Variants in PLCG1 observed in about 807,000 individuals in gnomAD.
The protein encoded by PLCG1 is phospholipase C gamma 1.
A neutral mutation model predicts 177.8 loss-of-function variants in PLCG1; 71 were observed. That is an observed-to-expected ratio of 0.40 (90% confidence interval 0.33 to 0.49). PLCG1 has a LOEUF of 0.49. PLCG1 is among the 20% of genes least tolerant of loss of function. PLCG1 has a pLI of 0.72. For synonymous variants in PLCG1, 658 were observed against 647.9 expected (o/e 1.02, Z -0.24); for missense variants, 1,281 against 1,709.0 (o/e 0.75, Z 4.42).
Position 41,164,824 on chromosome 20 carries a change from C to A in PLCG1, c.1218-109C>A. On this transcript the variant is annotated intron_variant, in intron 12 of 31. Coordinates refer to ENST00000685551, the MANE Select transcript of PLCG1 (RefSeq NM_002660.3). This position sits in a 1 kb window ranked among gnomAD's most constrained non-coding sequence, Gnocchi z 6.4. ...TGCCTCTTTTCTGGGATAGTTTTTA[C>A]AGACAAGAAGCCCCCAGGCCCTTGG... The A allele has an allele frequency of 9.2e-7, 1 of 1,086,106 alleles. No individual in the cohort carries two copies. Among genetic ancestry groups the A allele is most frequent in the Non-Finnish European group, 1.3e-6 (1 of 751,200 alleles). 67.3% of individuals were successfully genotyped at this position (1,086,106 alleles called of 1,614,324 possible). A position where few individuals can be genotyped will look rare whatever the true frequency, so the allele number is the denominator to read the frequency against.
In PLCG1 at chr20:41,165,303, C is replaced by T; in HGVS notation, c.1445C>T (p.Ser482Phe). Residue 482 changes from serine to phenylalanine, a missense_variant, in exon 14 of 32, where the codon TCT (serine) becomes TTT (phenylalanine). Ser to Phe is a radical substitution (Grantham distance 155). Transcript: ENST00000685551. The surrounding 1 kb of genome is among the most constrained non-coding windows in gnomAD (Gnocchi z 6.6). ...GAGGTGCCTACATCCATGATGTACTCTGAGAACGACATCAGCAACTCTATC... is the reference window on the plus strand; with the variant it reads ...GAGGTGCCTACATCCATGATGTACTTTGAGAACGACATCAGCAACTCTATC... ...YEEVPTSMMY[S>F]ENDISNSIKN... is the part of the protein sequence containing the mutation. 6.2e-7 allele frequency: 1 copy of T among 1,614,132 alleles called. No individual in the cohort carries two copies. The highest frequency in any genetic ancestry group is 8.5e-7 in the Non-Finnish European group (1 of 1,179,970).
rs1324173277 is a variant in PLCG1 at position 41,172,736 on chromosome 20, T to C, written c.3138T>C (p.Pro1046=). Residue 1046 remains proline (P), a synonymous_variant, in exon 27 of 32, where the codon CCT becomes CCC. Transcript: ENST00000685551. The surrounding 1 kb of genome is among the most constrained non-coding windows in gnomAD (Gnocchi z 7.0). The part of the protein sequence containing the change: ...VALNFQTPDK[P]MQMNQALFMT... ...ATAATCTGCCTCTTCCAGACAAGCC[T>C]ATGCAGATGAACCAGGCCCTCTTCA... 1.2e-6 allele frequency: 2 copies of C among 1,614,060 alleles called. No homozygotes were observed. Among genetic ancestry groups the C allele is most frequent in the Non-Finnish European group, 1.7e-6 (2 of 1,179,974 alleles).
intron 1 of PLCG1, among the ~76,000 whole-genome samples, chr20:41,158,878 T>C (rs765168383): frequency 2.6e-5 from 4 of 152,240 alleles, no homozygotes; most frequent in Non-Finnish European, 4.4e-5. Context: ...TTATTCATCA[T>C]TGCCTCAAGT....
At chr20:41,149,904 G>A (rs1428871560) in intron 1 of PLCG1, among the ~76,000 whole-genome samples, 2 of 152,192 alleles carry the variant, frequency 1.3e-5, no homozygotes, top group East Asian at 3.9e-4. Flanking sequence ...ATAGATAAGT[G>A]ATTTATGGGT....
In PLCG1 at chr20:41,163,253, A is replaced by C; in HGVS notation, c.767A>C (p.Gln256Pro). Residue 256 changes from glutamine to proline, a missense_variant, in exon 8 of 32, where the codon CAG (glutamine) becomes CCG (proline). Physicochemically the swap from Gln to Pro is moderately conservative, Grantham distance 76 (BLOSUM62 -1). Transcript: ENST00000685551. The surrounding 1 kb of genome is among the most constrained non-coding windows in gnomAD (Gnocchi z 5.2). ...CGAGTGTCCCTTCCTGAGTTCCAGC[A>C]GTTCCTTCTTGACTACCAGGGGGTA... ...LCRVSLPEFQ[Q>P]FLLDYQGELW... The C allele has an allele frequency of 1.3e-6, 2 of 1,555,750 alleles. No homozygotes were observed. The highest frequency in any genetic ancestry group is 1.7e-6 in the Non-Finnish European group (2 of 1,153,410).
At chr20:41,162,355 G>C (rs2035535812) in intron 4 of PLCG1, 97 bp from the exon 5 acceptor site, 1 of 715,084 alleles carries the variant, frequency 1.4e-6, no homozygotes, top group Non-Finnish European at 2.4e-6. Flanking sequence ...TCCCAGAATA[G>C]TGTTGTTTAC....
intron 23 of PLCG1, 161 bp downstream of exon 23, chr20:41,169,687 T>G: frequency 1.6e-6 from 1 of 638,336 alleles, no homozygotes; most frequent in Non-Finnish European, 2.8e-6. Flanking sequence ...CACCCTGGGC[T>G]CCCTTTGTCA....
chr20:41,157,222 G>A lies in PLCG1; in HGVS notation c.218-2384G>A, dbSNP rs2035351813. ...GTTGACTCTGTGTGTGTGTGTGTGT[G>A]TGTGTGTGTGTGTGTGTGTACAGTC... On this transcript the variant is annotated intron_variant, in intron 1 of 31. Transcript: ENST00000685551. The surrounding 1 kb of genome is among the most constrained non-coding windows in gnomAD (Gnocchi z 5.4). Among the ~76,000 whole-genome samples, 2 of 151,874 alleles carry A rather than the reference G, an allele frequency of 1.3e-5. No individual in the cohort carries two copies. Among genetic ancestry groups the A allele is most frequent in the Admixed American group, 1.3e-4 (2 of 15,248 alleles).
chr20:41,174,127 G>T lies in PLCG1; in HGVS notation c.3649G>T (p.Glu1217Ter). ...TGTGCACCTGGCTTCGTTGAAGCAG[G>T]AGAATGGTGACCTCAGTCCCTTCAG... ...IKIDIFPAKQ[E>*]NGDLSPFSGT... The change falls in exon 31 of 32, where the codon GAG (glutamate) becomes TAG (stop). Residue 1217 changes from glutamate to a stop codon, truncating the protein, a stop_gained. Coordinates refer to ENST00000685551, the MANE Select transcript of PLCG1 (RefSeq NM_002660.3). LOFTEE classifies it high-confidence loss of function. This position sits in a 1 kb window ranked among gnomAD's most constrained non-coding sequence, Gnocchi z 5.8. 1.2e-6 allele frequency: 2 copies of T among 1,613,140 alleles called. No individual in the cohort carries two copies. Among genetic ancestry groups the T allele is most frequent in the Non-Finnish European group, 1.7e-6 (2 of 1,179,190 alleles).
rs1188090957 is a variant in PLCG1, at chr20:41,146,233, G to A, written c.217+8375G>A. On this transcript the variant is annotated intron_variant, in intron 1 of 31. Transcript: ENST00000685551. The surrounding 1 kb of genome is among the most constrained non-coding windows in gnomAD (Gnocchi z 6.3). The stretch of plus-strand genomic sequence containing the variant: ...GGCTGGAGTTAGGAAGCAAGAAAAC[G>A]AGGTGACCCAGTCCTTGATCCTGAG... 5.9e-5 allele frequency among the ~76,000 whole-genome samples: 9 copies of A among 152,332 alleles called. No individual in the cohort carries two copies. Among genetic ancestry groups the A allele is most frequent in the Middle Eastern group, 3.4e-3 (1 of 294 alleles).
chr20:41,161,489 C>T (rs775602243), intron 4 of PLCG1, among the ~76,000 whole-genome samples: 8 of 152,058 alleles, frequency 5.3e-5, no homozygotes, highest in Non-Finnish European at 1.0e-4. Flanking sequence ...AGGGCAAGAT[C>T]GGTGATGCAG....
Position 41,170,200 on chromosome 20 carries a change from C to G in PLCG1, c.2739C>G (p.Ala913=). The part of the protein sequence containing the change: ...SVAHWSLDVA[A]DSQEELQDWV... ...CCCACTGGTCCCTGGATGTTGCTGCCGACTCACAGGAGGAGCTGCAGGACT... is the reference window on the plus strand; with the variant it reads ...CCCACTGGTCCCTGGATGTTGCTGCGGACTCACAGGAGGAGCTGCAGGACT... The change falls in exon 24 of 32, where the codon GCC becomes GCG. Residue 913 remains alanine (A), a synonymous_variant. Transcript: ENST00000685551. 6 of 1,614,054 alleles carry G rather than the reference C, an allele frequency of 3.7e-6. No individual in the cohort carries two copies. Among genetic ancestry groups the G allele is most frequent in the Non-Finnish European group, 3.4e-6 (4 of 1,179,994 alleles).
chr20:41,138,964 C>T (rs375399447), intron 1 of PLCG1, among the ~76,000 whole-genome samples: 1 of 152,116 alleles, frequency 6.6e-6, no homozygotes, highest in Non-Finnish European at 1.5e-5. Flanking sequence ...CTTGCAGGGA[C>T]CCCCGGAGAC....
chr20:41,162,780 C>A, intron 6 of PLCG1, 55 bp downstream of exon 6: 1 of 1,469,786 alleles, frequency 6.8e-7, no homozygotes, highest in South Asian at 1.2e-5. Context: ...CCACCCCACA[C>A]CCCAGCTCTG....
chr20:41,175,630 T>C lies in PLCG1; in HGVS notation c.*1121T>C, dbSNP rs770335512. ...CAGCATTCAGCACACACAAACCTACTGCCCACATTTGGGCTCAGGGTTGGC... is the reference window on the plus strand; with the variant it reads ...CAGCATTCAGCACACACAAACCTACCGCCCACATTTGGGCTCAGGGTTGGC... On this transcript the variant is annotated 3_prime_UTR_variant, in exon 32 of 32. Transcript: ENST00000685551. 1 of 152,664 alleles carries C rather than the reference T, an allele frequency of 6.6e-6. No homozygotes were observed. Among genetic ancestry groups the C allele is most frequent in the Non-Finnish European group, 1.5e-5 (1 of 68,052 alleles). The allele number at this position is 152,664 out of a possible 1,614,324, so 9.5% of individuals were successfully genotyped here.
At chr20:41,142,375 G>C (rs754994593) in intron 1 of PLCG1, among the ~76,000 whole-genome samples, 2 of 152,256 alleles carry the variant, frequency 1.3e-5, no homozygotes, top group Non-Finnish European at 2.9e-5. Flanking sequence ...CTCAGTCCTG[G>C]AGGCGACGGG....
Position 41,151,056 on chromosome 20 carries a change from G to C in PLCG1, c.218-8550G>C, listed in dbSNP as rs1237554563. 6.6e-6 allele frequency among the ~76,000 whole-genome samples: 1 copy of C among 152,210 alleles called. No individual in the cohort carries two copies. The highest frequency in any genetic ancestry group is 2.4e-5 in the African/African-American group (1 of 41,454). On this transcript the variant is annotated intron_variant, in intron 1 of 31. Transcript: ENST00000685551. This position sits in a 1 kb window ranked among gnomAD's most constrained non-coding sequence, Gnocchi z 5.5. ...AATGAATGACTGCATAAGCCGAATA[G>C]ATCACTGCTGAGTGCTCTTCCAGCT...
rs35612619 is a variant in PLCG1 at position 41,165,992 on chromosome 20, C to T, written c.1799+166C>T. On this transcript the variant is annotated intron_variant, in intron 16 of 31. Coordinates refer to ENST00000685551, the MANE Select transcript of PLCG1 (RefSeq NM_002660.3). The surrounding 1 kb of genome is among the most constrained non-coding windows in gnomAD (Gnocchi z 6.6). ...TACACACACACACTCTCTGTCTCAC[C>T]CCCCCCCCATACCCCTCCCTTTTCG... The T allele has an allele frequency of 6.7e-3, 4,403 of 660,400 alleles. 71 individuals are homozygous for T. The highest frequency in any genetic ancestry group is 0.034 in the East Asian group (1,184 of 34,560). The allele number at this position is 660,400 out of a possible 1,614,324, so 40.9% of individuals were successfully genotyped here.
At position 41,162,452 on chromosome 20, in the gene PLCG1, T is replaced by A; in HGVS notation, c.513T>A (p.Arg171=). 6.2e-7 allele frequency: 1 copy of A among 1,612,600 alleles called. No individual in the cohort carries two copies. The highest frequency in any genetic ancestry group is 1.1e-5 in the South Asian group (1 of 90,996). ...FYSVDRNRED[R]ISAKDLKNML... The stretch of plus-strand genomic sequence containing the variant: ...ACTGGGGATGTCCCTGTTTTCTCAG[T>A]ATATCAGCCAAGGACCTGAAGAACA... The change falls in exon 5 of 32, where the codon CGT becomes CGA. Residue 171 remains arginine, a splice_region_variant and synonymous_variant. Transcript: ENST00000685551.
Sources: gnomAD v4.1 joint callset for allele counts (sites outside exome capture counted in the v4.1 genomes callset) on GRCh38, gnomAD v4.1.1 for gene constraint, Gnocchi (gnomAD v3.1) non-coding constraint, MANE v1.5 for transcripts, NCBI Gene and HGNC (gene_info 2026-07-23, HGNC 2026-07-21) for gene names.